The following USH2A variants were observed in gnomAD, a reference collection of about 807,000 sequenced individuals.
The protein encoded by USH2A is Usher syndrome 2A (autosomal recessive, mild).
In USH2A, 443 loss-of-function variants were observed where a neutral mutation model predicts 538.9. The ratio of observed to expected loss-of-function variants is 0.82; its 90% CI spans 0.76 to 0.89. USH2A has a LOEUF of 0.89. USH2A is among the 40% of genes least tolerant of loss of function. USH2A has a pLI of 0.00. For synonymous variants in USH2A, 2,413 were observed against 2,273.5 expected, an observed-to-expected ratio of 1.06 and a Z score of -1.75; for missense variants, 6,633 against 6,324.8, an observed-to-expected ratio of 1.05 and a Z score of -1.65.
At chr1:216,299,513 AC>A (rs1389315131) in intron 9 of USH2A, among the ~76,000 whole-genome samples, 1 of 152,108 alleles carries the variant, frequency 6.6e-6, no homozygotes, top group Non-Finnish European at 1.5e-5. Context: ...GGCTGGGGTT[AC>A]CGGTGGGTGG....
At chr1:216,219,762 A>G (rs908665631) in intron 14 of USH2A, among the ~76,000 whole-genome samples, 1 of 152,152 alleles carries the variant, frequency 6.6e-6, no homozygotes, top group Admixed American at 6.6e-5. Context: ...TTTCATCCTT[A>G]TGGGAAAACC....
chr1:216,011,164 G>A (rs966715212), intron 32 of USH2A, among the ~76,000 whole-genome samples: 1 of 151,948 alleles, frequency 6.6e-6, no homozygotes, highest in African/African-American at 2.4e-5. Flanking sequence ...AAATTGTTTT[G>A]CCTATCCACC....
At chr1:216,094,062 T>G (rs2032378287) in intron 22 of USH2A, among the ~76,000 whole-genome samples, 1 of 152,168 alleles carries the variant, frequency 6.6e-6, no homozygotes, top group Non-Finnish European at 1.5e-5. Context: ...TGTGATTAGT[T>G]TTTTTTCCAT....
chr1:215,852,108 A>G (rs1006302710), intron 44 of USH2A, among the ~76,000 whole-genome samples: 5 of 152,270 alleles, frequency 3.3e-5, no homozygotes, highest in Middle Eastern at 6.8e-3. Flanking sequence ...GGAAAGCTGT[A>G]TTAGTCTGTT....
chr1:215,998,775 G>C (rs1668194752), intron 34 of USH2A, 112 bp downstream of exon 34: 1 of 1,221,998 alleles, frequency 8.2e-7, no homozygotes, highest in African/African-American at 1.5e-5. Flanking sequence ...AGCAATACAT[G>C]AAGATTTTGA....
intron 13 of USH2A, among the ~76,000 whole-genome samples, chr1:216,237,668 T>G (rs2035856004): frequency 6.6e-6 from 1 of 152,178 alleles, no homozygotes; most frequent in Admixed American, 6.6e-5. Context: ...AGAAATATTG[T>G]GCATATTAAA....
intron 56 of USH2A, 45 bp downstream of exon 56, chr1:215,766,636 T>C: frequency 6.5e-7 from 1 of 1,539,846 alleles, no homozygotes; most frequent in Non-Finnish European, 9.0e-7. Context: ...CTCAAAATGC[T>C]ATGTGAAAAT....
chr1:216,380,063 G>C (rs544688118), intron 3 of USH2A, among the ~76,000 whole-genome samples: 1 of 152,260 alleles, frequency 6.6e-6, no homozygotes, highest in African/African-American at 2.4e-5. Flanking sequence ...GGAGAGAATT[G>C]ATAAGGAATT....
Position 215,838,055 on chromosome 1 carries a change from T to C in USH2A, c.9307A>G (p.Ile3103Val), listed in dbSNP as rs143352618. 3.3e-4 allele frequency: 527 copies of C among 1,613,952 alleles called. No homozygotes were observed. Among genetic ancestry groups the C allele is most frequent in the Non-Finnish European group, 4.2e-4 (490 of 1,179,960 alleles). Reference sequence around the variant, plus strand: ...CTTGGAGTGTCTTCCACAGTGGTAATTTGGGTTCCATTGCTTTTCACGCAG... The same window carrying C: ...CTTGGAGTGTCTTCCACAGTGGTAACTTGGGTTCCATTGCTTTTCACGCAG... Reference protein sequence around the residue: ...YACVKSNGTQITTVEDTPSDI... With the variant: ...YACVKSNGTQVTTVEDTPSDI... Residue 3103 changes from isoleucine to valine, a missense_variant, in exon 47 of 72, where the codon ATT becomes GTT. Ile to Val is a conservative substitution (Grantham distance 29, BLOSUM62 3). Coordinates refer to ENST00000307340, the MANE Select transcript of USH2A (RefSeq NM_206933.4).
At chr1:215,953,072 A>G (rs555968678) in intron 37 of USH2A, among the ~76,000 whole-genome samples, 1 of 152,296 alleles carries the variant, frequency 6.6e-6, no homozygotes, top group Non-Finnish European at 1.5e-5. Flanking sequence ...AGAGGATACA[A>G]ACAAATGGAA....
chr1:215,879,134 A>G, intron 41 of USH2A, 36 bp from the exon 42 acceptor site: 2 of 1,573,806 alleles, frequency 1.3e-6, no homozygotes, highest in Non-Finnish European at 1.7e-6. Flanking sequence ...CAGTGTGACG[A>G]TACAGGAATA....
chr1:216,108,883 T>C (rs752086485), intron 21 of USH2A, among the ~76,000 whole-genome samples: 3 of 152,148 alleles, frequency 2.0e-5, no homozygotes, highest in Non-Finnish European at 2.9e-5. Context: ...TTTTTTTAAA[T>C]GTTTACAATA....
intron 30 of USH2A, among the ~76,000 whole-genome samples, chr1:216,065,489 T>A (rs1044754809): frequency 1.3e-5 from 2 of 152,210 alleles, no homozygotes; most frequent in African/African-American, 4.8e-5. Context: ...CAAATCAAAA[T>A]TTTTTAAAAA....
intron 37 of USH2A, among the ~76,000 whole-genome samples, chr1:215,943,215 G>T (rs1175030527): frequency 5.3e-5 from 8 of 152,030 alleles, no homozygotes; most frequent in African/African-American, 1.9e-4. Context: ...AGAAAGGATT[G>T]TAACATAAAA....
rs553464993 is a variant in USH2A at position 215,789,556 on chromosome 1, C to A, written c.10182+503G>T. Among the ~76,000 whole-genome samples the A allele has an allele frequency of 2.6e-5, 4 of 152,270 alleles. No individual in the cohort carries two copies. In the South Asian group the frequency reaches 8.3e-4, roughly 32 times the overall value. On this transcript the variant is annotated intron_variant, in intron 51 of 71. Transcript: ENST00000307340. The stretch of plus-strand genomic sequence containing the variant: ...AAACATAAGCGATTACACCCAGAAG[C>A]CTATTCATTCACTTTTGACACAGGC...
At chr1:216,242,109 T>C (rs2035949679) in intron 13 of USH2A, among the ~76,000 whole-genome samples, 1 of 151,742 alleles carries the variant, frequency 6.6e-6, no homozygotes, top group South Asian at 2.1e-4. Context: ...TTCCTCACTT[T>C]GGGAGGCCTA....
chr1:216,117,905 G>GAT (rs1029154151), intron 21 of USH2A, among the ~76,000 whole-genome samples: 8 of 150,822 alleles, frequency 5.3e-5, no homozygotes, highest in East Asian at 3.9e-4. Flanking sequence ...TGTATACACA[G>GAT]ATATATATAT....
intron 56 of USH2A, among the ~76,000 whole-genome samples, chr1:215,765,212 T>C (rs1661093269): frequency 6.6e-6 from 1 of 152,152 alleles, no homozygotes; most frequent in Non-Finnish European, 1.5e-5. Context: ...TTAGAAATTA[T>C]CCATTATCAT....
At chr1:215,774,625 T>A (rs1661404768) in intron 55 of USH2A, among the ~76,000 whole-genome samples, 1 of 152,084 alleles carries the variant, frequency 6.6e-6, no homozygotes, top group African/African-American at 2.4e-5. Context: ...GGCAGACTTT[T>A]CTTCTCTAAA....
Sources: allele counts gnomAD v4.1 joint callset (sites outside exome capture counted in the v4.1 genomes callset), GRCh38; gene constraint gnomAD v4.1.1; transcripts MANE v1.5; gene names NCBI Gene and HGNC (gene_info 2026-07-23, HGNC 2026-07-21).